Variants in MYLK4 observed in about 807,000 individuals in gnomAD.
The protein encoded by MYLK4 is caMLCK like.
In MYLK4, 46 loss-of-function variants were observed where a neutral mutation model predicts 48.1. The ratio of observed to expected loss-of-function variants is 0.96; its 90% CI spans 0.75 to 1.22. MYLK4 has a LOEUF of 1.22. Ranked by LOEUF, MYLK4 falls within the 50% of genes most tolerant of loss-of-function variation. MYLK4 has a pLI of 0.00. For synonymous variants in MYLK4, 170 were observed against 180.8 expected, an observed-to-expected ratio of 0.94 and a Z score of 0.48; for missense variants, 451 against 486.1, an observed-to-expected ratio of 0.93 and a Z score of 0.68.
chr6:2,730,760 A>T (rs17135644), intron 2 of MYLK4, among the ~76,000 whole-genome samples: 5,451 of 152,278 alleles, frequency 0.036, 242 homozygotes, highest in East Asian at 0.27. Flanking sequence ...GAAGTGAAAA[A>T]TTATCCATTA....
At chr6:2,763,349 C>T in the MYLK4 span, among the ~76,000 whole-genome samples, 3 of 152,342 alleles carry the variant, frequency 2.0e-5, no homozygotes, top group East Asian at 3.9e-4. Context: ...TTGCTCAGCT[C>T]TGGGGTGGTG....
chr6:2,742,373 T>C (rs1763925950), intron 2 of MYLK4, among the ~76,000 whole-genome samples: 1 of 152,142 alleles, frequency 6.6e-6, no homozygotes, highest in African/African-American at 2.4e-5. Context: ...ACTGGGTATA[T>C]ACCCAAAGGA....
intron 11 of MYLK4, 69 bp from the exon 12 acceptor site, chr6:2,671,417 C>G: frequency 7.1e-7 from 1 of 1,408,018 alleles, no homozygotes; most frequent in East Asian, 2.3e-5. Context: ...TATGAGCTCA[C>G]ATGAAAAGAC....
At chr6:2,699,341 G>A (rs974040821) in intron 2 of MYLK4, among the ~76,000 whole-genome samples, 2 of 118,180 alleles carry the variant, frequency 1.7e-5, no homozygotes, top group Non-Finnish European at 3.2e-5. Flanking sequence ...GCCCAGGCTG[G>A]AGTGCAGTGG....
rs1160583298 is a variant in MYLK4, at chr6:2,712,961, C to T, written c.160-20102G>A. Among the ~76,000 whole-genome samples the T allele has an allele frequency of 1.3e-5, 2 of 152,220 alleles. 1 individual carries two copies. The highest frequency in any genetic ancestry group is 2.9e-5 in the Non-Finnish European group (2 of 68,042). ...ACCAGACATGTGCCCTTGAGGAAGG[C>T]ATTTAACATCTCAAAGACTATGCTT... is the stretch of plus-strand genomic sequence containing the variant. On this transcript the variant is annotated intron_variant, in intron 2 of 12. Coordinates refer to ENST00000274643, the MANE Select transcript of MYLK4 (RefSeq NM_001012418.5).
At chr6:2,724,701 C>A (rs538144276) in intron 2 of MYLK4, among the ~76,000 whole-genome samples, 2 of 152,244 alleles carry the variant, frequency 1.3e-5, no homozygotes, top group South Asian at 4.1e-4. Context: ...GCGGTGAACA[C>A]AGAGCCCAGC....
intron 2 of MYLK4, among the ~76,000 whole-genome samples, chr6:2,702,022 G>C (rs1762300124): frequency 1.3e-5 from 2 of 152,210 alleles, no homozygotes; most frequent in Admixed American, 1.3e-4. Context: ...GTGAGGAGCG[G>C]GGAGGGAGTC....
At chr6:2,733,825 T>A (rs963038965) in intron 2 of MYLK4, among the ~76,000 whole-genome samples, 2 of 152,068 alleles carry the variant, frequency 1.3e-5, no homozygotes, top group East Asian at 3.9e-4. Flanking sequence ...AAGCACAGAT[T>A]CCCAAGCTTC....
At chr6:2,737,054 C>A (rs914161040) in intron 2 of MYLK4, among the ~76,000 whole-genome samples, 1 of 152,208 alleles carries the variant, frequency 6.6e-6, no homozygotes, top group Non-Finnish European at 1.5e-5. Context: ...AAATAATACA[C>A]CTGTAATCCC....
At chr6:2,668,347 G>A (rs1165006500) in intron 12 of MYLK4, among the ~76,000 whole-genome samples, 1 of 152,114 alleles carries the variant, frequency 6.6e-6, no homozygotes, top group African/African-American at 2.4e-5. Context: ...GTCTGACCTG[G>A]GGCCCGCACA....
chr6:2,766,348 G>A, the MYLK4 span: 1 of 1,610,640 alleles, frequency 6.2e-7, no homozygotes, highest in Non-Finnish European at 8.5e-7. Flanking sequence ...ACTTCGGGCA[G>A]AGCAAGGCCG....
At chr6:2,742,297 A>G (rs891826362) in intron 2 of MYLK4, among the ~76,000 whole-genome samples, 1 of 152,214 alleles carries the variant, frequency 6.6e-6, no homozygotes, top group African/African-American at 2.4e-5. Flanking sequence ...AACACCAACA[A>G]GATGCCGAGT....
the MYLK4 span, among the ~76,000 whole-genome samples, chr6:2,766,839 C>T: frequency 7.2e-6 from 1 of 139,164 alleles, no homozygotes; most frequent in Non-Finnish European, 1.5e-5. Context: ...TTTGTATATT[C>T]CGTTTGTACA....
the MYLK4 span, among the ~76,000 whole-genome samples, chr6:2,762,456 G>A: frequency 6.6e-6 from 1 of 152,162 alleles, no homozygotes; most frequent in Non-Finnish European, 1.5e-5. Context: ...CAAGAAATTT[G>A]TTTCCATTTT....
chr6:2,720,974 A>C (rs1763049081), intron 2 of MYLK4, among the ~76,000 whole-genome samples: 1 of 152,186 alleles, frequency 6.6e-6, no homozygotes, highest in Admixed American at 6.5e-5. Flanking sequence ...CAGCCTGACC[A>C]ACATGGTGAA....
chr6:2,668,027 G>C (rs1760726828), intron 12 of MYLK4, 128 bp from the exon 13 acceptor site: 2 of 110,736 alleles, frequency 1.8e-5, no homozygotes, highest in Non-Finnish European at 4.1e-5. Context: ...ATATGAGCGG[G>C]GGAAAAAAAA....
chr6:2,681,114 A>G (rs1761282216), intron 7 of MYLK4, among the ~76,000 whole-genome samples: 1 of 152,200 alleles, frequency 6.6e-6, no homozygotes, highest in Non-Finnish European at 1.5e-5. Context: ...AGAGAAAAAA[A>G]GTTTTCAGAG....
rs1295913411 is a variant in MYLK4 at position 2,672,787 on chromosome 6, T to C, written c.1120-1439A>G. 4.6e-5 allele frequency among the ~76,000 whole-genome samples: 7 copies of C among 152,192 alleles called. No individual in the cohort carries two copies. Among genetic ancestry groups the C allele is most frequent in the Admixed American group, 4.6e-4 (7 of 15,280 alleles). ...CAGGTCCCCTGTACCCAGCAGCCCATCACCGGCAGGAGAGCAGAGCAGTGA... is the reference window on the plus strand; with the variant it reads ...CAGGTCCCCTGTACCCAGCAGCCCACCACCGGCAGGAGAGCAGAGCAGTGA... On this transcript the variant is annotated intron_variant, in intron 11 of 12. Transcript: ENST00000274643. This position sits in a 1 kb window ranked among gnomAD's most constrained non-coding sequence, Gnocchi z 4.3.
At chr6:2,740,201 G>C (rs968353271) in intron 2 of MYLK4, among the ~76,000 whole-genome samples, 3 of 152,188 alleles carry the variant, frequency 2.0e-5, no homozygotes, top group African/African-American at 4.8e-5. Flanking sequence ...CCTCATGGCT[G>C]ACAGTGAGAC....
Sources: allele counts gnomAD v4.1 joint callset (sites outside exome capture counted in the v4.1 genomes callset), GRCh38; gene constraint gnomAD v4.1.1; non-coding constraint Gnocchi (gnomAD v3.1); transcripts MANE v1.5; gene names NCBI Gene and HGNC (gene_info 2026-07-23, HGNC 2026-07-21).